Variants in SLC1A6 observed in about 807,000 individuals in gnomAD.
SLC1A6 encodes the protein excitatory amino acid transporter 4.
SLC1A6 carries 15 observed loss-of-function variants against 42.1 expected under a neutral mutation model. That is an observed-to-expected ratio of 0.36 (90% CI 0.24 to 0.55). The LOEUF (loss-of-function observed/expected upper bound fraction) is 0.55, where lower values mean the gene tolerates loss of function less well. Among genes scored for constraint, SLC1A6 ranks in the 20% least tolerant of loss-of-function variants. The pLI is 0.88. For missense variants in SLC1A6, 542 were observed against 772.5 expected, an observed-to-expected ratio of 0.70 and a Z score of 3.54; for synonymous variants, 317 against 319.7, an observed-to-expected ratio of 0.99 and a Z score of 0.09.
At chr19:14,986,701 C>T (rs1390103591) in intron 1 of SLC1A6, among the ~76,000 whole-genome samples, 5 of 151,696 alleles carry the variant, frequency 3.3e-5, no homozygotes, top group Admixed American at 2.6e-4. Flanking sequence ...AGTGATGCTT[C>T]CACCTCAGCC....
At chr19:15,005,344 C>T (rs1324569396) in intron 1 of SLC1A6, among the ~76,000 whole-genome samples, 2 of 151,100 alleles carry the variant, frequency 1.3e-5, no homozygotes, top group African/African-American at 4.9e-5. Context: ...AATTGTTCTA[C>T]TAAAAATACA....
chr19:14,991,352 C>T (rs768761327), intron 1 of SLC1A6, among the ~76,000 whole-genome samples: 4 of 152,066 alleles, frequency 2.6e-5, no homozygotes, highest in African/African-American at 7.2e-5. Flanking sequence ...TGACTAGGTG[C>T]GGTGGCTCAT....
intron 1 of SLC1A6, among the ~76,000 whole-genome samples, chr19:14,988,016 T>G (rs1309846411): frequency 1.3e-5 from 2 of 152,040 alleles, no homozygotes; most frequent in Non-Finnish European, 2.9e-5. Flanking sequence ...ATACTAACAA[T>G]ACAAAAATCA....
At chr19:14,964,863 C>G (rs1471858035) in intron 4 of SLC1A6, among the ~76,000 whole-genome samples, 1 of 152,102 alleles carries the variant, frequency 6.6e-6, no homozygotes, top group Non-Finnish European at 1.5e-5. Context: ...AAAATTAAAA[C>G]CACAATGAGA....
At chr19:14,956,333 G>T (rs1186523012) in intron 7 of SLC1A6, 143 bp downstream of exon 7, 2 of 552,428 alleles carry the variant, frequency 3.6e-6, no homozygotes, top group South Asian at 3.1e-5. Flanking sequence ...TGGACCCCAG[G>T]TGTTGACATT....
At chr19:14,966,240 T>C (rs1209792861) in intron 4 of SLC1A6, among the ~76,000 whole-genome samples, 1 of 152,140 alleles carries the variant, frequency 6.6e-6, no homozygotes, top group Non-Finnish European at 1.5e-5. Context: ...GTCTGTAATC[T>C]CAGCAGTTTA....
At chr19:14,997,498 C>A (rs1312703710) in intron 1 of SLC1A6, among the ~76,000 whole-genome samples, 1 of 152,104 alleles carries the variant, frequency 6.6e-6, no homozygotes, top group African/African-American at 2.4e-5. Context: ...TTAAAAGAAT[C>A]CCCAGAAAAT....
chr19:14,950,447 A>C lies in SLC1A6; in HGVS notation c.1500-57T>G, dbSNP rs566566722. 2.9e-6 allele frequency: 4 copies of C among 1,388,142 alleles called. No homozygotes were observed. In the South Asian group the frequency reaches 4.4e-5, roughly 15 times the overall value. The allele number at this position is 1,388,142 out of a possible 1,614,324, so 86.0% of individuals were successfully genotyped here. On this transcript the variant is annotated intron_variant, in intron 9 of 9. Coordinates refer to ENST00000594383, the MANE Select transcript of SLC1A6 (RefSeq NM_005071.3). ...TGGGGGCTTGAAAAGCTTCACAGAA[A>C]GAGGGTGCAGCAGAGGGGGGTCCCT...
chr19:15,004,249 A>C (rs1278461683), intron 1 of SLC1A6, among the ~76,000 whole-genome samples: 1 of 152,126 alleles, frequency 6.6e-6, no homozygotes, highest in Non-Finnish European at 1.5e-5. Context: ...AGTTAGAAGT[A>C]TTTGGGCTTC....
chr19:14,986,049 T>C (rs771688759), intron 1 of SLC1A6, among the ~76,000 whole-genome samples: 2 of 149,842 alleles, frequency 1.3e-5, no homozygotes, highest in Non-Finnish European at 3.0e-5. Flanking sequence ...TGGAATTCCA[T>C]GAAAAAAAGT....
chr19:14,992,972 A>G (rs735622), intron 1 of SLC1A6, among the ~76,000 whole-genome samples: 21,104 of 152,108 alleles, frequency 0.14, 1,489 homozygotes, highest in Middle Eastern at 0.2. Flanking sequence ...GAGTCATTAA[A>G]GGAGAGGGAG....
At chr19:15,000,895 C>T (rs1296900368) in intron 1 of SLC1A6, among the ~76,000 whole-genome samples, 4 of 152,194 alleles carry the variant, frequency 2.6e-5, no homozygotes, top group African/African-American at 9.7e-5. Context: ...GGGGAGGACT[C>T]CAACATATCT....
chr19:14,989,982 A>C (rs8101027), intron 1 of SLC1A6, among the ~76,000 whole-genome samples: 11,423 of 152,042 alleles, frequency 0.075, 611 homozygotes, highest in South Asian at 0.25. Context: ...ACAGAGCAAG[A>C]CTCTGTCTCG....
intron 1 of SLC1A6, among the ~76,000 whole-genome samples, chr19:14,976,523 G>A (rs11672838): frequency 0.19 from 28,697 of 152,026 alleles, 3,214 homozygotes; most frequent in African/African-American, 0.3. Context: ...GAAGCAAAGT[G>A]TAATACCACA....
chr19:14,969,875 T>C (rs568511476), intron 3 of SLC1A6, among the ~76,000 whole-genome samples: 1 of 152,168 alleles, frequency 6.6e-6, no homozygotes, highest in Non-Finnish European at 1.5e-5. Flanking sequence ...CAGAATCGAG[T>C]ACAATTGACC....
In SLC1A6 at chr19:15,010,518, A is replaced by T. The variant is rs1046853520; in HGVS notation, c.-28T>A. 32 of 600,968 alleles carry T rather than the reference A, an allele frequency of 5.3e-5. No individual in the cohort carries two copies. The African/African-American group carries it at 5.8e-4, about 11-fold the overall frequency. The allele number at this position is 600,968 out of a possible 1,614,324, so 37.2% of individuals were successfully genotyped here. ...GACAGAGTGTGACCTGGACAGCTGGAAGCGCTTAGGACATCCTAAAGCTGG... is the reference window on the plus strand; with the variant it reads ...GACAGAGTGTGACCTGGACAGCTGGTAGCGCTTAGGACATCCTAAAGCTGG... On this transcript the variant is annotated 5_prime_UTR_variant, in exon 1 of 9. Coordinates refer to the SLC1A6 transcript ENST00000430939.
intron 1 of SLC1A6, among the ~76,000 whole-genome samples, chr19:15,009,001 A>T (rs2045910273): frequency 6.6e-6 from 1 of 151,380 alleles, no homozygotes; most frequent in African/African-American, 2.4e-5. Context: ...TGTCTCAAAT[A>T]TATAAACATA....
chr19:14,999,619 A>G (rs2045863589), intron 1 of SLC1A6, among the ~76,000 whole-genome samples: 1 of 152,170 alleles, frequency 6.6e-6, no homozygotes, highest in Non-Finnish European at 1.5e-5. Context: ...TATCTCACAT[A>G]CTTATCATTT....
rs1427934619 is a variant in SLC1A6, at chr19:14,979,373, G to A, written c.-72C>T. 2 of 152,364 alleles carry A rather than the reference G, an allele frequency of 1.3e-5. No individual in the cohort carries two copies. The highest frequency in any genetic ancestry group is 2.9e-5 in the Non-Finnish European group (2 of 68,186). The allele number at this position is 152,364 out of a possible 1,614,324, so 9.4% of individuals were successfully genotyped here. A position where few individuals can be genotyped will look rare whatever the true frequency, so the allele number is the denominator to read the frequency against. On this transcript the variant is annotated 5_prime_UTR_variant, in exon 1 of 10. Coordinates refer to ENST00000594383, the MANE Select transcript of SLC1A6 (RefSeq NM_005071.3). The surrounding 1 kb of genome is among the most constrained non-coding windows in gnomAD (Gnocchi z 4.2). The stretch of plus-strand genomic sequence containing the variant: ...GGGCAAGCAGGAGCTCAGAGACAAA[G>A]GGCGGCGGAGAAGTGGGGACGTGGG...
Sources: gnomAD v4.1 joint callset for allele counts (sites outside exome capture counted in the v4.1 genomes callset) on GRCh38, gnomAD v4.1.1 for gene constraint, Gnocchi (gnomAD v3.1) non-coding constraint, MANE v1.5 for transcripts, NCBI Gene and HGNC (gene_info 2026-07-23, HGNC 2026-07-21) for gene names.